Variants in NCAM2 observed in about 807,000 individuals in gnomAD.
NCAM2 encodes N-CAM-2.
A neutral mutation model predicts 98.1 loss-of-function variants in NCAM2; 30 were observed. The observed-to-expected ratio is 0.31, with a 90% CI of 0.23 to 0.41. The LOEUF is 0.41. Ranked by LOEUF, NCAM2 falls within the 10% of genes least tolerant of loss-of-function variation. NCAM2 has a pLI of 1.00. For missense variants in NCAM2, 867 were observed against 1,005.8 expected (o/e 0.86, Z 1.87); for synonymous variants, 368 against 342.4 (o/e 1.07, Z -0.83).
intron 1 of NCAM2, among the ~76,000 whole-genome samples, chr21:21,268,658 GATATCCCC>G (rs1412753623): frequency 6.6e-6 from 1 of 152,080 alleles, no homozygotes; most frequent in East Asian, 1.9e-4. Context: ...GAATATATCT[GATATCCCC>G]ATAATTCTTA....
intron 1 of NCAM2, among the ~76,000 whole-genome samples, chr21:21,114,574 T>C (rs1814398448): frequency 6.6e-6 from 1 of 152,160 alleles, no homozygotes; most frequent in African/African-American, 2.4e-5. Context: ...GTTTCTTAAG[T>C]CTAAAGAGCA....
At chr21:21,365,247 G>C (rs866170873) in intron 8 of NCAM2, among the ~76,000 whole-genome samples, 1 of 44,660 alleles carries the variant, frequency 2.2e-5, no homozygotes, top group Admixed American at 2.7e-4. Flanking sequence ...GCGTGTGTGT[G>C]TGTGTGTGTG....
Position 21,464,041 on chromosome 21 carries a change from G to T in NCAM2, c.1655-2565G>T, listed in dbSNP as rs184975432. Among the ~76,000 whole-genome samples, 20 of 152,102 alleles carry T rather than the reference G, an allele frequency of 1.3e-4. No individual in the cohort carries two copies. In the East Asian group the frequency reaches 3.7e-3, roughly 28 times the overall value. On this transcript the variant is annotated intron_variant, in intron 12 of 17. Coordinates refer to ENST00000400546, the MANE Select transcript of NCAM2 (RefSeq NM_004540.5). The stretch of plus-strand genomic sequence containing the variant: ...ATCTCTACACTTCTGATTTATGTAG[G>T]ATTTTATTTGCAATTGAAAGTGCAT...
chr21:21,528,618 G>T (rs988122063), intron 16 of NCAM2, among the ~76,000 whole-genome samples: 2 of 152,256 alleles, frequency 1.3e-5, no homozygotes. Flanking sequence ...AATGTATATG[G>T]TTAATAGTTT....
chr21:21,121,167 A>T (rs1374196141), intron 1 of NCAM2, among the ~76,000 whole-genome samples: 1 of 152,168 alleles, frequency 6.6e-6, no homozygotes, highest in Non-Finnish European at 1.5e-5. Context: ...ATATCTCAGA[A>T]GATTATCTTT....
intron 8 of NCAM2, among the ~76,000 whole-genome samples, chr21:21,373,305 A>G (rs2075962021): frequency 6.6e-6 from 1 of 151,928 alleles, no homozygotes; most frequent in African/African-American, 2.4e-5. Context: ...AAAATTATGT[A>G]GTTCAAATAA....
chr21:21,012,275 G>A (rs1249725252), intron 1 of NCAM2, among the ~76,000 whole-genome samples: 2 of 152,194 alleles, frequency 1.3e-5, no homozygotes, highest in Non-Finnish European at 2.9e-5. Context: ...GTTTAGATTA[G>A]TGTAATTCAT....
intron 12 of NCAM2, among the ~76,000 whole-genome samples, chr21:21,463,099 A>G (rs1023947430): frequency 2.0e-5 from 3 of 152,130 alleles, no homozygotes; most frequent in Non-Finnish European, 4.4e-5. Flanking sequence ...GTACAACTCT[A>G]TTATTGAGTA....
intron 1 of NCAM2, among the ~76,000 whole-genome samples, chr21:21,176,763 A>C (rs1457015407): frequency 6.6e-6 from 1 of 152,020 alleles, no homozygotes; most frequent in Non-Finnish European, 1.5e-5. Flanking sequence ...TGTTAAATAC[A>C]ATCAGGAAAT....
intron 9 of NCAM2, among the ~76,000 whole-genome samples, chr21:21,382,884 C>T (rs232422): frequency 0.024 from 3,649 of 150,398 alleles, 131 homozygotes; most frequent in African/African-American, 0.084. Flanking sequence ...CCATTTTATT[C>T]TTTCTGTCTT....
chr21:21,049,082 A>G lies in NCAM2; in HGVS notation c.55+50464A>G, dbSNP rs538782078. ...GCTGGACTGCGGACTGCAGTGGCGC[A>G]ATCTCGGCTCACTGCAAGCTCCGCT... On this transcript the variant is annotated intron_variant, in intron 1 of 17. Coordinates refer to ENST00000400546, the MANE Select transcript of NCAM2 (RefSeq NM_004540.5). Among the ~76,000 whole-genome samples, 131 of 141,200 alleles carry G rather than the reference A, an allele frequency of 9.3e-4. 3 individuals are homozygous for G. Among genetic ancestry groups the G allele is most frequent in the African/African-American group, 3.3e-3 (125 of 37,476 alleles). The allele number at this position is 141,200 out of a possible 152,430, so 92.6% of individuals were successfully genotyped here. A position where few individuals can be genotyped will look rare whatever the true frequency, so the allele number is the denominator to read the frequency against.
intron 1 of NCAM2, among the ~76,000 whole-genome samples, chr21:21,189,979 G>C (rs2068766065): frequency 6.6e-6 from 1 of 152,168 alleles, no homozygotes; most frequent in South Asian, 2.1e-4. Context: ...GGTTCTATTT[G>C]TATTTGTAAT....
At chr21:21,373,682 A>G (rs566703352) in intron 8 of NCAM2, among the ~76,000 whole-genome samples, 181 bp from the exon 9 acceptor site, 1 of 151,804 alleles carries the variant, frequency 6.6e-6, no homozygotes, top group Non-Finnish European at 1.5e-5. Context: ...GAGAATGTAA[A>G]AAGTGTGCTT....
intron 9 of NCAM2, among the ~76,000 whole-genome samples, chr21:21,379,344 T>G (rs545529331): frequency 5.3e-5 from 8 of 152,194 alleles, no homozygotes; most frequent in African/African-American, 1.7e-4. Flanking sequence ...ATTTTTTAGG[T>G]GGAATCTTAG....
chr21:21,350,426 C>A (rs1172046710), intron 8 of NCAM2, among the ~76,000 whole-genome samples: 2 of 152,020 alleles, frequency 1.3e-5, no homozygotes, highest in Non-Finnish European at 2.9e-5. Flanking sequence ...TCCAGGACAG[C>A]TTCAAATAGT....
In NCAM2 at chr21:20,998,511, C is replaced by G. The variant is rs1477788739; in HGVS notation, c.-53C>G. On this transcript the variant is annotated 5_prime_UTR_variant, in exon 1 of 18. Transcript: ENST00000400546. ...GCCGGGGCAGCGAAAGGTTCTCTCT[C>G]CAGGGCTGGACTTAATAACTTTGAA... 6.3e-7 allele frequency: 1 copy of G among 1,589,032 alleles called. No homozygotes were observed.
At chr21:21,522,904 G>A (rs1322879139) in intron 16 of NCAM2, among the ~76,000 whole-genome samples, 2 of 152,048 alleles carry the variant, frequency 1.3e-5, no homozygotes, top group South Asian at 2.1e-4. Context: ...GATTTCAGGC[G>A]TGAGCCACTG....
chr21:21,193,083 A>G (rs1051559618), intron 1 of NCAM2, among the ~76,000 whole-genome samples: 2 of 152,168 alleles, frequency 1.3e-5, no homozygotes, highest in Non-Finnish European at 2.9e-5. Context: ...GGCTGTAAAC[A>G]AAAGCTCCGT....
chr21:21,132,415 A>G (rs2066954792), intron 1 of NCAM2, among the ~76,000 whole-genome samples: 1 of 149,354 alleles, frequency 6.7e-6, no homozygotes, highest in South Asian at 2.1e-4. Flanking sequence ...CATATAATTC[A>G]ACATATTCAC....
Sources: allele counts gnomAD v4.1 joint callset (sites outside exome capture counted in the v4.1 genomes callset), GRCh38; gene constraint gnomAD v4.1.1; transcripts MANE v1.5; gene names NCBI Gene and HGNC (gene_info 2026-07-23, HGNC 2026-07-21).